Variants in DOCK4 observed in about 807,000 individuals in gnomAD.
The protein encoded by DOCK4 is dedicator of cytokinesis 4, also known as dedicator of cytokinesis protein 4.
DOCK4 carries 97 observed loss-of-function variants against 268.1 expected under a neutral mutation model. The ratio of observed to expected loss-of-function variants is 0.36; its 90% CI spans 0.31 to 0.43. The LOEUF is 0.43. Among genes scored for constraint, DOCK4 ranks in the 20% least tolerant of loss-of-function variants. The pLI is 1.00. For synonymous variants in DOCK4, 954 were observed against 887.2 expected, an observed-to-expected ratio of 1.08 and a Z score of -1.34; for missense variants, 2,145 against 2,455.7, an observed-to-expected ratio of 0.87 and a Z score of 2.67.
At chr7:111,921,380 T>C (rs1793124985) in intron 12 of DOCK4, among the ~76,000 whole-genome samples, 1 of 152,228 alleles carries the variant, frequency 6.6e-6, no homozygotes, top group Non-Finnish European at 1.5e-5. Context: ...TTGAAGCTCA[T>C]TTATTCTATA....
At chr7:111,753,306 C>G (rs1365538486) in intron 42 of DOCK4, among the ~76,000 whole-genome samples, 1 of 152,104 alleles carries the variant, frequency 6.6e-6, no homozygotes, top group Admixed American at 6.5e-5. Flanking sequence ...GACACCTCAT[C>G]TCTACAACAA....
intron 1 of DOCK4, among the ~76,000 whole-genome samples, chr7:112,055,332 C>T (rs750272669): frequency 3.3e-5 from 5 of 152,164 alleles, no homozygotes; most frequent in Non-Finnish European, 7.4e-5. Context: ...CCAGGACAGT[C>T]ATCCCATCAC....
At chr7:111,802,230 T>G (rs1239792823) in intron 30 of DOCK4, among the ~76,000 whole-genome samples, 1 of 152,020 alleles carries the variant, frequency 6.6e-6, no homozygotes, top group Non-Finnish European at 1.5e-5. Context: ...CTCACCAAGA[T>G]GTCCTGGAAA....
chr7:111,826,833 C>T (rs1240772060), intron 26 of DOCK4, among the ~76,000 whole-genome samples: 1 of 151,990 alleles, frequency 6.6e-6, no homozygotes, highest in Non-Finnish European at 1.5e-5. Context: ...CAGCATCACG[C>T]AATATATTCA....
At chr7:112,173,933 G>C (rs1261619618) in intron 1 of DOCK4, among the ~76,000 whole-genome samples, 1 of 152,070 alleles carries the variant, frequency 6.6e-6, no homozygotes, top group Non-Finnish European at 1.5e-5. Flanking sequence ...GACCAGCCCT[G>C]GGCAGGTGAC....
At chr7:112,128,508 G>A (rs925160658) in intron 1 of DOCK4, among the ~76,000 whole-genome samples, 2 of 152,218 alleles carry the variant, frequency 1.3e-5, no homozygotes, top group African/African-American at 4.8e-5. Context: ...TTGAGAAATC[G>A]GATGGTTGCC....
At chr7:112,076,959 G>A (rs545385193) in intron 1 of DOCK4, among the ~76,000 whole-genome samples, 2 of 136,768 alleles carry the variant, frequency 1.5e-5, no homozygotes, top group South Asian at 2.2e-4. Flanking sequence ...TCCTGCAAGA[G>A]ACTTGTTACA....
At chr7:111,971,525 C>A in intron 8 of DOCK4, 2 of 194,698 alleles carry the variant, frequency 1.0e-5, no homozygotes, top group South Asian at 1.7e-4. Context: ...ACGATTAGTT[C>A]AATGGGATCC....
At chr7:112,120,826 T>G (rs991552879) in intron 1 of DOCK4, among the ~76,000 whole-genome samples, 1 of 152,234 alleles carries the variant, frequency 6.6e-6, no homozygotes, top group African/African-American at 2.4e-5. Context: ...CAACAAGTCT[T>G]TGCTAATTTT....
At chr7:111,754,371 GACAA>G (rs1796888115) in intron 42 of DOCK4, among the ~76,000 whole-genome samples, 2 of 152,318 alleles carry the variant, frequency 1.3e-5, no homozygotes, top group South Asian at 2.1e-4. Flanking sequence ...TTTCAGGTAA[GACAA>G]ACAATTCTTG....
intron 30 of DOCK4, among the ~76,000 whole-genome samples, chr7:111,803,936 C>A (rs1800480712): frequency 6.6e-6 from 1 of 152,082 alleles, no homozygotes; most frequent in Non-Finnish European, 1.5e-5. Context: ...TGTCAAAAAA[C>A]CAGGAAATAA....
At chr7:112,047,500 C>T (rs1804930462) in intron 1 of DOCK4, among the ~76,000 whole-genome samples, 1 of 151,886 alleles carries the variant, frequency 6.6e-6, no homozygotes, top group African/African-American at 2.4e-5. Context: ...TTAATGGAGA[C>T]ATTAAAAGAC....
intron 23 of DOCK4, among the ~76,000 whole-genome samples, chr7:111,862,482 CTTTTTTTTTTTTTTTTT>C (rs1168060750): frequency 3.6e-5 from 3 of 83,380 alleles, no homozygotes; most frequent in Non-Finnish European, 6.6e-5. Flanking sequence ...GAAAATCATT[CTTTTTTTTTTTTTTTTT>C]TTTTTTTTTG....
chr7:111,741,361 A>G (rs1795904350), intron 46 of DOCK4, 147 bp from the exon 47 acceptor site: 2 of 1,418,706 alleles, frequency 1.4e-6, no homozygotes, highest in Admixed American at 2.1e-5. Flanking sequence ...GTTTGAGTTT[A>G]TTTATTTCTC....
At chr7:111,797,505 TG>T (rs1313010499) in intron 30 of DOCK4, among the ~76,000 whole-genome samples, 1 of 152,146 alleles carries the variant, frequency 6.6e-6, no homozygotes, top group Non-Finnish European at 1.5e-5. Flanking sequence ...AGCAAGCAGC[TG>T]TGCAAGCAAC....
chr7:112,115,652 C>CCCATCCAT (rs559998727), intron 1 of DOCK4, among the ~76,000 whole-genome samples: 1 of 149,920 alleles, frequency 6.7e-6, no homozygotes, highest in Non-Finnish European at 1.5e-5. Context: ...CATCCATCCA[C>CCCATCCAT]CCATCCATCC....
rs1268288674 is a variant in DOCK4, at chr7:111,728,397, C to T, written c.5805G>A (p.Ser1935=). ...GCTTGGGGGGCAGCGCGGGCGGCTC[C>T]GACGTGACGGGGATGGAGAGGCTGT... ...LPHSLSIPVT[S]EPPALPPKPL... The change falls in exon 53 of 53, where the codon TCG becomes TCA. Residue 1935 remains serine, a synonymous_variant. Coordinates refer to ENST00000428084, the MANE Select transcript of DOCK4 (RefSeq NM_001363540.2). The T allele has an allele frequency of 8.3e-6, 13 of 1,560,724 alleles. No individual in the cohort carries two copies. In the South Asian group the frequency reaches 8.6e-5, roughly 10 times the overall value.
At chr7:111,781,323 T>C (rs1798771972) in intron 35 of DOCK4, among the ~76,000 whole-genome samples, 1 of 152,142 alleles carries the variant, frequency 6.6e-6, no homozygotes, top group Admixed American at 6.6e-5. Flanking sequence ...AACACTGACA[T>C]ACAAGCACGA....
intron 30 of DOCK4, among the ~76,000 whole-genome samples, chr7:111,794,448 A>G (rs894543795): frequency 6.6e-6 from 1 of 152,154 alleles, no homozygotes; most frequent in Non-Finnish European, 1.5e-5. Flanking sequence ...AACAAAAGGA[A>G]CAGGACAGCC....
Sources: allele counts gnomAD v4.1 joint callset (sites outside exome capture counted in the v4.1 genomes callset), GRCh38; gene constraint gnomAD v4.1.1; transcripts MANE v1.5; gene names NCBI Gene and HGNC (gene_info 2026-07-23, HGNC 2026-07-21).